The following SMG1 variants were observed in gnomAD, a reference collection of about 807,000 sequenced individuals.
The protein encoded by SMG1 is SMG1 nonsense mediated mRNA decay associated PI3K related kinase.
SMG1 carries 22 observed loss-of-function variants against 419.9 expected under a neutral mutation model. That is an observed-to-expected ratio of 0.05 (90% confidence interval 0.04 to 0.07). The LOEUF (loss-of-function observed/expected upper bound fraction) is 0.07. Among genes scored for constraint, SMG1 ranks in the 10% least tolerant of loss-of-function variants. The probability of loss-of-function intolerance (pLI) is 1.00; values close to 1 mark genes in which losing one functional copy is unlikely to be tolerated. For synonymous variants in SMG1, 1,538 were observed against 1,553.5 expected (o/e 0.99, Z 0.23); for missense variants, 3,185 against 4,342.0 (o/e 0.73, Z 7.49).
At chr16:18,849,121 AC>A in intron 36 of SMG1, 95 bp downstream of exon 36, 1 of 590,962 alleles carries the variant, frequency 1.7e-6, no homozygotes, top group Non-Finnish European at 2.6e-6. Context: ...ACAAACTCTA[AC>A]AACTCTGGAA....
intron 1 of SMG1, chr16:18,925,447 C>G (rs2038354388): frequency 6.5e-6 from 1 of 153,496 alleles, no homozygotes; most frequent in South Asian, 2.0e-4. Flanking sequence ...TGCCTAGAGT[C>G]AGAGCAATGC....
chr16:18,921,332 C>G (rs1036606639), intron 1 of SMG1, among the ~76,000 whole-genome samples: 4 of 151,870 alleles, frequency 2.6e-5, no homozygotes, highest in African/African-American at 4.8e-5. Flanking sequence ...GACAACAGAG[C>G]AAGAGCATAT....
chr16:18,912,129 G>A (rs34837984), intron 1 of SMG1, among the ~76,000 whole-genome samples: 44,871 of 146,632 alleles, frequency 0.31, 7,617 homozygotes, highest in Non-Finnish European at 0.38. Flanking sequence ...CACTTAGAGA[G>A]GAATCTAAAA....
chr16:18,844,570 T>TCACACACACACACACACACACACACA lies in SMG1; in HGVS notation c.6219+858_6219+859insTGTGTGTGTGTGTGTGTGTGTGTGTG, dbSNP rs56381713. Among the ~76,000 whole-genome samples, 107 of 88,490 alleles carry TCACACACACACACACACACACACACA rather than the reference T, an allele frequency of 1.2e-3. 2 individuals carry two copies. Among genetic ancestry groups the TCACACACACACACACACACACACACA allele is most frequent in the Admixed American group, 6.2e-3 (52 of 8,392 alleles). 58.1% of individuals were successfully genotyped at this position (88,490 alleles called of 152,430 possible). A position where few individuals can be genotyped will look rare whatever the true frequency, so the allele number is the denominator to read the frequency against. On this transcript the variant is annotated intron_variant, in intron 39 of 62. Coordinates refer to ENST00000446231, the MANE Select transcript of SMG1 (RefSeq NM_015092.5). Reference sequence around the variant, plus strand: ...ACACATAATAAACTTCATCCTTCTCTCACACACACACACGGAAACTCGAGT... The same window carrying TCACACACACACACACACACACACACA: ...ACACATAATAAACTTCATCCTTCTCTCACACACACACACACACACACACACACACACACACACACGGAAACTCGAGT...
At chr16:18,836,295 C>A (rs1014290183) in intron 47 of SMG1, 65 bp downstream of exon 47, 2 of 1,591,002 alleles carry the variant, frequency 1.3e-6, no homozygotes, top group Admixed American at 1.7e-5. Context: ...CAGGACCCCA[C>A]ACAAACACAC....
chr16:18,828,224 A>AT (rs2032897103), intron 54 of SMG1, 56 bp from the exon 55 acceptor site: 1 of 1,574,252 alleles, frequency 6.4e-7, no homozygotes, highest in Admixed American at 1.7e-5. Context: ...GTTTAGATAA[A>AT]TAAGGGAAGG....
chr16:18,828,307 T>C, intron 54 of SMG1, 139 bp from the exon 55 acceptor site: 1 of 739,868 alleles, frequency 1.4e-6, no homozygotes, highest in Non-Finnish European at 2.1e-6. Flanking sequence ...CAGGGAGAAG[T>C]AACAGAAAAG....
At chr16:18,893,285 G>A (rs1389532529) in intron 3 of SMG1, among the ~76,000 whole-genome samples, 1 of 152,152 alleles carries the variant, frequency 6.6e-6, no homozygotes, top group African/African-American at 2.4e-5. Flanking sequence ...ACAAGAACAA[G>A]CAAACAATAG....
chr16:18,890,051 G>A (rs2036808000), intron 5 of SMG1, among the ~76,000 whole-genome samples: 1 of 152,152 alleles, frequency 6.6e-6, no homozygotes, highest in African/African-American at 2.4e-5. Context: ...AAGGCACTAA[G>A]GTTTATGACC....
chr16:18,829,580 T>C lies in SMG1; in HGVS notation c.9309A>G (p.Gly3103=), dbSNP rs190638518. The stretch of plus-strand genomic sequence containing the variant: ...CACTGATAAAACTGCACAGTGTGAG[T>C]CCGAGGGCTTGGTTGGGTAGCCCTA... The part of the protein sequence containing the change: ...LLIGLPNQAL[G]LTLCSFISAL... Residue 3103 remains glycine (G), a synonymous_variant, in exon 54 of 63, where the codon GGA becomes GGG. Transcript: ENST00000446231. 103 of 1,614,020 alleles carry C rather than the reference T, an allele frequency of 6.4e-5. 1 individual carries two copies. The highest frequency in any genetic ancestry group is 5.3e-4 in the Admixed American group (32 of 60,018).
rs1171922953 is a variant in SMG1, at chr16:18,860,579, C to A, written c.3805+88G>T. 252 of 649,506 alleles carry A rather than the reference C, an allele frequency of 3.9e-4. No individual in the cohort carries two copies. In the East Asian group the frequency reaches 6.9e-3, roughly 18 times the overall value. 40.2% of individuals were successfully genotyped at this position (649,506 alleles called of 1,614,324 possible). A position where few individuals can be genotyped will look rare whatever the true frequency, so the allele number is the denominator to read the frequency against. ...CTGCCCCCACAAAAATGTAAAATAACTTCCAGATTTTCCAGTAAAATATAC... is the reference window on the plus strand; with the variant it reads ...CTGCCCCCACAAAAATGTAAAATAAATTCCAGATTTTCCAGTAAAATATAC... On this transcript the variant is annotated intron_variant, in intron 26 of 62. Transcript: ENST00000446231.
At position 18,821,241 on chromosome 16, in the gene SMG1, CT is replaced by C. The variant is rs2032528443; in HGVS notation, c.9742-1588del. On this transcript the variant is annotated intron_variant, in intron 55 of 62. Transcript: ENST00000446231. Reference sequence around the variant, plus strand: ...TGTTTCTTTTTTTTTTTTTTTTTTTCTTTTTTTTTTCTTTTTTTTTTTTTTA... The same window carrying C: ...TGTTTCTTTTTTTTTTTTTTTTTTTCTTTTTTTTTCTTTTTTTTTTTTTTA... 1.3e-3 allele frequency among the ~76,000 whole-genome samples: 42 copies of C among 31,882 alleles called. 4 individuals are homozygous for C. The highest frequency in any genetic ancestry group is 4.1e-3 in the African/African-American group (37 of 8,922). 20.9% of individuals were successfully genotyped at this position (31,882 alleles called of 152,430 possible).
intron 22 of SMG1, among the ~76,000 whole-genome samples, chr16:18,867,526 A>AAAATAAATAAAT (rs139133406): frequency 1.1e-3 from 159 of 142,128 alleles, no homozygotes; most frequent in African/African-American, 2.5e-3. Flanking sequence ...TGTGTCTCAA[A>AAAATAAATAAAT]AAATAAATAA....
intron 1 of SMG1, among the ~76,000 whole-genome samples, chr16:18,903,171 T>G (rs1188173667): frequency 1.3e-5 from 2 of 152,158 alleles, no homozygotes; most frequent in Non-Finnish European, 2.9e-5. Flanking sequence ...TGATAAAGAT[T>G]TGACTTCAGT....
At chr16:18,918,999 C>G (rs1017962537) in intron 1 of SMG1, among the ~76,000 whole-genome samples, 2 of 152,188 alleles carry the variant, frequency 1.3e-5, no homozygotes, top group African/African-American at 2.4e-5. Context: ...TAACTTATAG[C>G]CTCCTTGAAG....
intron 51 of SMG1, among the ~76,000 whole-genome samples, chr16:18,831,949 G>T (rs550437760): frequency 1.3e-4 from 19 of 151,780 alleles, no homozygotes; most frequent in Admixed American, 3.3e-4. Context: ...TGGCACCACA[G>T]TCAAGAAAAA....
At position 18,853,697 on chromosome 16, in the gene SMG1, G is replaced by C. The variant is rs764231411; in HGVS notation, c.4654C>G (p.Gln1552Glu). 1.1e-5 allele frequency: 17 copies of C among 1,613,632 alleles called. No individual in the cohort carries two copies. Among genetic ancestry groups the C allele is most frequent in the Non-Finnish European group, 6.8e-6 (8 of 1,179,796 alleles). ...GTAGAAAGACCTGTGAAGTTCTGTT[G>C]GTGCTGAGCTCTGTAAACCTGTTTC... ...QLKQVYRAQH[Q>E]QNFTGLSTLS... The change falls in exon 31 of 63, where the codon CAA (glutamine) becomes GAA (glutamate). Residue 1552 changes from glutamine (Q) to glutamate (E), a missense_variant. Coordinates refer to ENST00000446231, the MANE Select transcript of SMG1 (RefSeq NM_015092.5).
At chr16:18,908,616 A>G (rs1325435466) in intron 1 of SMG1, among the ~76,000 whole-genome samples, 1 of 152,060 alleles carries the variant, frequency 6.6e-6, no homozygotes, top group African/African-American at 2.4e-5. Flanking sequence ...GTGGTGGCTC[A>G]CGCCTGTAAT....
chr16:18,806,005 A>C lies in SMG1; in HGVS notation c.*3564T>G, dbSNP rs535866571. Reference sequence around the variant, plus strand: ...GTACTGCCAAAACAAGTAAGCCCCCAGAGTTAATTACAAAAATGTAGAGGA... The same window carrying C: ...GTACTGCCAAAACAAGTAAGCCCCCCGAGTTAATTACAAAAATGTAGAGGA... On this transcript the variant is annotated 3_prime_UTR_variant, in exon 63 of 63. Coordinates refer to ENST00000446231, the MANE Select transcript of SMG1 (RefSeq NM_015092.5). 2.6e-5 allele frequency: 4 copies of C among 152,738 alleles called. No individual in the cohort carries two copies. In the South Asian group the frequency reaches 8.3e-4, roughly 32 times the overall value. The allele number at this position is 152,738 out of a possible 1,614,324, so 9.5% of individuals were successfully genotyped here.
Sources: gnomAD v4.1 joint callset for allele counts (sites outside exome capture counted in the v4.1 genomes callset) on GRCh38, gnomAD v4.1.1 for gene constraint, MANE v1.5 for transcripts, NCBI Gene and HGNC (gene_info 2026-07-23, HGNC 2026-07-21) for gene names.